Variants in MCC observed in about 807,000 individuals in gnomAD.
MCC encodes the protein colorectal mutant cancer protein.
MCC carries 90 observed loss-of-function variants against 116.2 expected under a neutral mutation model. The observed-to-expected ratio is 0.77, with a 90% confidence interval of 0.65 to 0.92. The LOEUF (loss-of-function observed/expected upper bound fraction) is 0.92. Ranked by LOEUF, MCC falls within the 40% of genes least tolerant of loss-of-function variation. The pLI, the probability that MCC is intolerant of heterozygous loss-of-function variation, is 0.00. For missense variants in MCC, 1,516 were observed against 1,312.2 expected, an observed-to-expected ratio of 1.16 and a Z score of -2.40; for synonymous variants, 578 against 510.5, an observed-to-expected ratio of 1.13 and a Z score of -1.78.
chr5:113,092,121 C>A (rs1044461049), intron 8 of MCC, among the ~76,000 whole-genome samples: 1 of 152,146 alleles, frequency 6.6e-6, no homozygotes, highest in Non-Finnish European at 1.5e-5. Flanking sequence ...TGAATGATGG[C>A]CCCCAAAGGC....
rs370148342 is a variant in MCC at position 113,434,048 on chromosome 5, G to T, written c.171-48836C>A. On this transcript the variant is annotated intron_variant, in intron 1 of 18. Transcript: ENST00000408903. The surrounding 1 kb of genome is among the most constrained non-coding windows in gnomAD (Gnocchi z 4.2). ...GCATCCAGCAGTGGCTGAGGATCTCGTCGATGTGGAGCCGCCGGTTGACGT... is the reference window on the plus strand; with the variant it reads ...GCATCCAGCAGTGGCTGAGGATCTCTTCGATGTGGAGCCGCCGGTTGACGT... 1 of 1,614,076 alleles carries T rather than the reference G, an allele frequency of 6.2e-7. No individual in the cohort carries two copies. The highest frequency in any genetic ancestry group is 8.5e-7 in the Non-Finnish European group (1 of 1,179,924).
chr5:113,424,472 T>C (rs1436724324), intron 1 of MCC, among the ~76,000 whole-genome samples: 1 of 152,166 alleles, frequency 6.6e-6, no homozygotes, highest in East Asian at 1.9e-4. Flanking sequence ...CCCAGCACTT[T>C]GGGAGGCCAA....
chr5:113,320,946 T>C (rs1458482132), intron 3 of MCC, among the ~76,000 whole-genome samples: 3 of 152,258 alleles, frequency 2.0e-5, no homozygotes, highest in African/African-American at 7.2e-5. Flanking sequence ...TCCAATAGCA[T>C]AGCCTACACT....
chr5:113,134,555 CTTTTT>C, intron 5 of MCC, among the ~76,000 whole-genome samples: 1 of 30,126 alleles, frequency 3.3e-5, no homozygotes, highest in Non-Finnish European at 6.0e-5. Context: ...GCTATTTGGG[CTTTTT>C]TTTTTTTTTT....
chr5:113,258,152 T>C (rs1007525461), intron 3 of MCC, among the ~76,000 whole-genome samples: 1 of 152,208 alleles, frequency 6.6e-6, no homozygotes, highest in African/African-American at 2.4e-5. Flanking sequence ...CTGAAATCAA[T>C]ACTTTTTAAA....
At chr5:113,437,391 T>A (rs970172267) in intron 1 of MCC, among the ~76,000 whole-genome samples, 1 of 152,104 alleles carries the variant, frequency 6.6e-6, no homozygotes, top group African/African-American at 2.4e-5. Flanking sequence ...AGAAAAAAAA[T>A]TCATTTTCCT....
chr5:113,363,492 G>A (rs183714125), intron 2 of MCC, among the ~76,000 whole-genome samples: 2 of 152,048 alleles, frequency 1.3e-5, no homozygotes, highest in Non-Finnish European at 2.9e-5. Flanking sequence ...AGAGAGAGAA[G>A]GGGGAGGTTC....
intron 1 of MCC, among the ~76,000 whole-genome samples, chr5:113,449,534 C>A (rs945676775): frequency 1.3e-5 from 2 of 152,186 alleles, no homozygotes; most frequent in African/African-American, 4.8e-5. Flanking sequence ...AGGCCAGGTA[C>A]CCACCTTCCT....
At chr5:113,341,844 G>GT (rs1485156469) in intron 2 of MCC, among the ~76,000 whole-genome samples, 6 of 152,044 alleles carry the variant, frequency 3.9e-5, no homozygotes, top group African/African-American at 1.4e-4. Flanking sequence ...TTTTTTACAT[G>GT]TTTTTTATTT....
chr5:113,295,150 C>T (rs1008793813), intron 3 of MCC, among the ~76,000 whole-genome samples: 2 of 149,658 alleles, frequency 1.3e-5, no homozygotes, highest in Non-Finnish European at 3.0e-5. Flanking sequence ...GGAAAAGCCA[C>T]CTGAATAATC....
At chr5:113,214,374 C>T (rs557420076) in intron 3 of MCC, among the ~76,000 whole-genome samples, 6 of 152,372 alleles carry the variant, frequency 3.9e-5, no homozygotes, top group Admixed American at 3.9e-4. Flanking sequence ...TAATCAAACT[C>T]CATGAACTGA....
intron 7 of MCC, 35 bp from the exon 8 acceptor site, chr5:113,101,980 G>A (rs1045778464): frequency 1.9e-6 from 3 of 1,606,826 alleles, no homozygotes; most frequent in African/African-American, 2.7e-5. Flanking sequence ...AGTCAAGTAA[G>A]TTACCTTGGA....
intron 11 of MCC, among the ~76,000 whole-genome samples, chr5:113,074,734 G>T (rs1007226340): frequency 3.3e-5 from 5 of 152,224 alleles, no homozygotes; most frequent in African/African-American, 1.2e-4. Context: ...AGAACTACAT[G>T]ATGCATGCAA....
chr5:113,179,067 C>G (rs1048766986), intron 3 of MCC, among the ~76,000 whole-genome samples: 1 of 152,168 alleles, frequency 6.6e-6, no homozygotes, highest in Non-Finnish European at 1.5e-5. Context: ...TCCCCCATAC[C>G]ACACTCTTCC....
Position 113,082,844 on chromosome 5 carries a change from T to C in MCC, c.1784+16A>G, listed in dbSNP as rs62374682. On this transcript the variant is annotated intron_variant, in intron 11 of 18. Coordinates refer to ENST00000408903, the MANE Select transcript of MCC (RefSeq NM_001085377.2). ...CCTCCCTGCCCCACAATCAAATCGA[T>C]ACGATCTCTCCTCACCTATTCAGCC... 9.8e-3 allele frequency: 15,746 copies of C among 1,611,832 alleles called. 139 individuals are homozygous for C. Among genetic ancestry groups the C allele is most frequent in the African/African-American group, 0.041 (3,103 of 74,956 alleles).
chr5:113,051,253 CTA>C (rs1376758215), intron 15 of MCC, among the ~76,000 whole-genome samples: 3 of 152,140 alleles, frequency 2.0e-5, no homozygotes, highest in Non-Finnish European at 4.4e-5. Context: ...TTCTCTCCCC[CTA>C]CCCCCACCAC....
At chr5:113,142,408 C>T (rs1427366123) in intron 5 of MCC, among the ~76,000 whole-genome samples, 2 of 152,006 alleles carry the variant, frequency 1.3e-5, no homozygotes, top group African/African-American at 4.8e-5. Context: ...TAAAGCAAAC[C>T]TCTCCTCTGA....
chr5:113,466,464 G>A (rs919181289), intron 1 of MCC, among the ~76,000 whole-genome samples: 1 of 151,576 alleles, frequency 6.6e-6, no homozygotes, highest in Admixed American at 6.6e-5. Context: ...ATAGTTTGCT[G>A]AGAATGATGG....
At chr5:113,279,351 T>C (rs1299241076) in intron 3 of MCC, among the ~76,000 whole-genome samples, 1 of 152,228 alleles carries the variant, frequency 6.6e-6, no homozygotes, top group Non-Finnish European at 1.5e-5. Context: ...AGTGTCGTAT[T>C]GTGAATGAAA....
Sources: allele counts gnomAD v4.1 joint callset (sites outside exome capture counted in the v4.1 genomes callset), GRCh38; gene constraint gnomAD v4.1.1; non-coding constraint Gnocchi (gnomAD v3.1); transcripts MANE v1.5; gene names NCBI Gene and HGNC (gene_info 2026-07-23, HGNC 2026-07-21).